SNX2: variants seen among roughly 807,000 people sequenced by gnomAD.
SNX2 encodes sorting nexin-2.
A neutral mutation model predicts 69.9 loss-of-function variants in SNX2; 25 were observed. The ratio of observed to expected loss-of-function variants is 0.36; its 90% CI spans 0.26 to 0.50. SNX2 has a LOEUF of 0.50. SNX2 is among the 20% of genes least tolerant of loss of function. The pLI, the probability that SNX2 is intolerant of heterozygous loss-of-function variation, is 0.97. For missense variants in SNX2, 551 were observed against 613.3 expected (o/e 0.90, Z 1.07); for synonymous variants, 229 against 200.4 (o/e 1.14, Z -1.20).
rs146870049 is a variant in SNX2, at chr5:122,810,090, C to T, written c.722+1735C>T. Among the ~76,000 whole-genome samples, 853 of 150,652 alleles carry T rather than the reference C, an allele frequency of 5.7e-3. 13 individuals are homozygous for T. Among genetic ancestry groups the T allele is most frequent in the African/African-American group, 0.019 (771 of 40,706 alleles). On this transcript the variant is annotated intron_variant, in intron 7 of 14. Coordinates refer to ENST00000379516, the MANE Select transcript of SNX2 (RefSeq NM_003100.4). ...TCTTCTGCCTTGGGATCCTGTCGAT[C>T]TGTGACCTTATCCCCAACCCTGTGC...
chr5:122,817,214 A>T, intron 9 of SNX2, 66 bp from the exon 10 acceptor site: 1 of 1,466,094 alleles, frequency 6.8e-7, no homozygotes, highest in Non-Finnish European at 9.5e-7. Flanking sequence ...TTAGCTTGCT[A>T]TTGGTAACCT....
At chr5:122,779,535 A>C (rs902666628) in intron 1 of SNX2, among the ~76,000 whole-genome samples, 1 of 152,136 alleles carries the variant, frequency 6.6e-6, no homozygotes, top group African/African-American at 2.4e-5. Context: ...TGGCTGTACC[A>C]CAGTTTGTTT....
chr5:122,784,621 C>T (rs2150001127), intron 1 of SNX2, among the ~76,000 whole-genome samples: 1 of 151,812 alleles, frequency 6.6e-6, no homozygotes, highest in Admixed American at 6.6e-5. Context: ...TGTATTTATC[C>T]TTTTTATATA....
At chr5:122,781,139 C>T (rs1044342266) in intron 1 of SNX2, among the ~76,000 whole-genome samples, 13 of 152,140 alleles carry the variant, frequency 8.5e-5, no homozygotes, top group African/African-American at 2.9e-4. Flanking sequence ...AAGTTGCTTG[C>T]GACAGGGATG....
chr5:122,829,157 T>C (rs1754225719), intron 14 of SNX2, among the ~76,000 whole-genome samples: 2 of 151,738 alleles, frequency 1.3e-5, no homozygotes, highest in Non-Finnish European at 2.9e-5. Context: ...TTAGTAAATA[T>C]TAGTCATTGT....
chr5:122,801,384 C>G (rs1286099906), intron 3 of SNX2, among the ~76,000 whole-genome samples: 1 of 152,074 alleles, frequency 6.6e-6, no homozygotes, highest in East Asian at 1.9e-4. Context: ...GTGGGCAGAT[C>G]ACCTGAGGTC....
chr5:122,788,256 T>C (rs995926937), intron 1 of SNX2, among the ~76,000 whole-genome samples: 6 of 152,234 alleles, frequency 3.9e-5, no homozygotes, highest in Admixed American at 2.6e-4. Flanking sequence ...GTTGTTTGAA[T>C]TGGTATTCCC....
chr5:122,786,194 G>A (rs1248337062), intron 1 of SNX2, among the ~76,000 whole-genome samples: 1 of 152,022 alleles, frequency 6.6e-6, no homozygotes, highest in Non-Finnish European at 1.5e-5. Context: ...CTTGTAGATT[G>A]TCTGCATGAC....
chr5:122,826,426 C>G (rs1754153065), intron 12 of SNX2, among the ~76,000 whole-genome samples: 1 of 151,904 alleles, frequency 6.6e-6, no homozygotes, highest in Non-Finnish European at 1.5e-5. Context: ...TAAAATTAAC[C>G]TTTACATTAA....
At chr5:122,807,111 T>C (rs1023896487) in intron 6 of SNX2, among the ~76,000 whole-genome samples, 1 of 151,988 alleles carries the variant, frequency 6.6e-6, no homozygotes, top group Non-Finnish European at 1.5e-5. Context: ...CACAGCAAAA[T>C]CTTGTCTCTA....
chr5:122,801,235 T>A (rs903310122), intron 3 of SNX2, among the ~76,000 whole-genome samples: 5 of 152,110 alleles, frequency 3.3e-5, no homozygotes, highest in Admixed American at 1.3e-4. Flanking sequence ...ATCTGAAGAT[T>A]CAGTATATAG....
At position 122,834,260 on chromosome 5, in the gene SNX2, G is replaced by GT; in HGVS notation, c.*4618dup. 6.6e-6 allele frequency: 1 copy of GT among 152,144 alleles called. No homozygotes were observed. The allele number at this position is 152,144 out of a possible 1,614,324, so 9.4% of individuals were successfully genotyped here. A position where few individuals can be genotyped will look rare whatever the true frequency, so the allele number is the denominator to read the frequency against. On this transcript the variant is annotated 3_prime_UTR_variant, in exon 15 of 15. Coordinates refer to ENST00000379516, the MANE Select transcript of SNX2 (RefSeq NM_003100.4). ...TAGGGAAGCTGTAGTTTACTATCTA[G>GT]TTTTTTAATGCACATGAAGTAATTT... is the stretch of plus-strand genomic sequence containing the variant.
intron 1 of SNX2, among the ~76,000 whole-genome samples, chr5:122,779,160 A>C (rs1752916006): frequency 6.6e-6 from 1 of 152,230 alleles, no homozygotes; most frequent in Non-Finnish European, 1.5e-5. Flanking sequence ...ATCTGTGTTG[A>C]GATATGATTT....
rs113172094 is a variant in SNX2 at position 122,802,916 on chromosome 5, G to C, written c.502-556G>C. 7.2e-5 allele frequency among the ~76,000 whole-genome samples: 11 copies of C among 152,266 alleles called. 1 individual carries two copies. Among genetic ancestry groups the C allele is most frequent in the Admixed American group, 2.6e-4 (4 of 15,286 alleles). Reference sequence around the variant, plus strand: ...TATTGACTAGAGGGACTTTGCAGCTGTGAGAGTGATCCATGGAGAAAGGCA... The same window carrying C: ...TATTGACTAGAGGGACTTTGCAGCTCTGAGAGTGATCCATGGAGAAAGGCA... On this transcript the variant is annotated intron_variant, in intron 5 of 14. Transcript: ENST00000379516.
intron 1 of SNX2, among the ~76,000 whole-genome samples, chr5:122,777,190 C>G (rs1020169209): frequency 3.9e-5 from 6 of 152,176 alleles, no homozygotes; most frequent in Non-Finnish European, 5.9e-5. Context: ...CAGTATTCAT[C>G]TTTAAAATGC....
In SNX2 at chr5:122,775,374, T is replaced by G. The variant is rs1053291956; in HGVS notation, c.108+163T>G. On this transcript the variant is annotated intron_variant, in intron 1 of 14. Coordinates refer to ENST00000379516, the MANE Select transcript of SNX2 (RefSeq NM_003100.4). Reference sequence around the variant, plus strand: ...TCCGGTGCCTGTCAGAGGGATGTGCTTGGGCTGAGCGCAGGGCCTCCTCAG... The same window carrying G: ...TCCGGTGCCTGTCAGAGGGATGTGCGTGGGCTGAGCGCAGGGCCTCCTCAG... 7.4e-6 allele frequency: 10 copies of G among 1,346,556 alleles called. No homozygotes were observed. In the African/African-American group the frequency reaches 1.4e-4, roughly 18 times the overall value. The allele number at this position is 1,346,556 out of a possible 1,614,324, so 83.4% of individuals were successfully genotyped here.
At chr5:122,806,129 T>TACACACACACACACACACAC (rs1178090025) in intron 6 of SNX2, among the ~76,000 whole-genome samples, 1 of 24,544 alleles carries the variant, frequency 4.1e-5, no homozygotes, top group African/African-American at 1.5e-4. Flanking sequence ...TGTATATATA[T>TACACACACACACACACACAC]ACACACGCGC....
chr5:122,826,295 A>AT (rs1416141803), intron 12 of SNX2, 102 bp downstream of exon 12: 5 of 941,186 alleles, frequency 5.3e-6, no homozygotes, highest in Non-Finnish European at 7.6e-6. Flanking sequence ...ACACGTAGCT[A>AT]TTTTTGCATA....
At chr5:122,795,781 G>A (rs1331175602) in intron 2 of SNX2, among the ~76,000 whole-genome samples, 1 of 152,090 alleles carries the variant, frequency 6.6e-6, no homozygotes, top group Non-Finnish European at 1.5e-5. Context: ...TTTGAAAGCT[G>A]TTTTAATAAA....
Sources: allele counts gnomAD v4.1 joint callset (sites outside exome capture counted in the v4.1 genomes callset), GRCh38; gene constraint gnomAD v4.1.1; transcripts MANE v1.5; gene names NCBI Gene and HGNC (gene_info 2026-07-23, HGNC 2026-07-21).